TIAM2: variants seen among roughly 807,000 people sequenced by gnomAD.
TIAM2 encodes TIAM Rac1 associated GEF 2, also known as rho guanine nucleotide exchange factor TIAM2.
Under a neutral mutation model 152.9 loss-of-function variants are expected in TIAM2, and 80 were observed. The observed-to-expected ratio is 0.52, with a 90% CI of 0.44 to 0.63. TIAM2 has a LOEUF of 0.63. TIAM2 is among the 30% of genes least tolerant of loss of function. The probability of loss-of-function intolerance (pLI) is 0.00; values close to 1 mark genes in which losing one functional copy is unlikely to be tolerated. For synonymous variants in TIAM2, 804 were observed against 838.0 expected (o/e 0.96, Z 0.70); for missense variants, 1,965 against 2,120.1 (o/e 0.93, Z 1.44).
intron 1 of TIAM2, among the ~76,000 whole-genome samples, chr6:155,036,607 T>A (rs1776927750): frequency 6.7e-6 from 1 of 150,060 alleles, no homozygotes; most frequent in Non-Finnish European, 1.5e-5. Context: ...TTTATTTATT[T>A]ATTTATTTAT....
At chr6:155,049,184 A>G (rs1410065950) in intron 1 of TIAM2, among the ~76,000 whole-genome samples, 1 of 152,096 alleles carries the variant, frequency 6.6e-6, no homozygotes. Context: ...TAGCTACCAA[A>G]TGCACATGCG....
At chr6:155,083,018 G>T (rs1400421469) in intron 1 of TIAM2, among the ~76,000 whole-genome samples, 1 of 152,102 alleles carries the variant, frequency 6.6e-6, no homozygotes, top group African/African-American at 2.4e-5. Context: ...CTGATGATGA[G>T]ATGGTTCTGA....
intron 15 of TIAM2, among the ~76,000 whole-genome samples, chr6:155,211,811 A>G (rs1177570515): frequency 6.6e-6 from 1 of 152,098 alleles, no homozygotes. Context: ...AACCACCACC[A>G]CCATCTAGAA....
intron 10 of TIAM2, 64 bp downstream of exon 10, chr6:155,177,041 T>A (rs17086032): frequency 6.6e-7 from 1 of 1,525,144 alleles, no homozygotes; most frequent in African/African-American, 1.4e-5. Context: ...TGCAATCTTA[T>A]GCCTTCTAAA....
intron 2 of TIAM2, among the ~76,000 whole-genome samples, chr6:155,106,403 T>A (rs1365214471): frequency 6.6e-6 from 1 of 152,182 alleles, no homozygotes; most frequent in Non-Finnish European, 1.5e-5. Context: ...TTATTTAAGA[T>A]AATTTAATGG....
rs1168629633 is a variant in TIAM2, at chr6:155,213,336, A to G, written c.3168+2029A>G. Among the ~76,000 whole-genome samples the G allele has an allele frequency of 2.6e-5, 4 of 151,836 alleles. No individual in the cohort carries two copies. Among genetic ancestry groups the G allele is most frequent in the African/African-American group, 9.7e-5 (4 of 41,342 alleles). On this transcript the variant is annotated intron_variant, in intron 15 of 26. Transcript: ENST00000682666. The surrounding 1 kb of genome is among the most constrained non-coding windows in gnomAD (Gnocchi z 4.2). ...AGGCTGGTTGTCCCATAGAGTGTTC[A>G]CCTCTCAGCAGAGAGCAGACCCTGG...
rs1000291402 is a variant in TIAM2, at chr6:155,256,996, A to G, written c.4981A>G (p.Ser1661Gly). 4.3e-6 allele frequency: 7 copies of G among 1,614,208 alleles called. No individual in the cohort carries two copies. Among genetic ancestry groups the G allele is most frequent in the Non-Finnish European group, 5.9e-6 (7 of 1,180,032 alleles). Residue 1661 changes from serine to glycine, a missense_variant, in exon 27 of 27, where the codon AGT becomes GGT. By Grantham distance (56) the Ser-to-Gly change is moderately conservative (BLOSUM62 0). This residue lies in a region of TIAM2 where 935 missense variants were observed against 980.0 expected (regional missense o/e 0.95). Transcript: ENST00000682666. ...KAQIRHQSLD[S>G]QSENATIDLN... Reference sequence around the variant, plus strand: ...GCAGATCCGTCACCAGTCCCTTGACAGTCAGTCTGAAAATGCCACCATCGA... The same window carrying G: ...GCAGATCCGTCACCAGTCCCTTGACGGTCAGTCTGAAAATGCCACCATCGA...
chr6:155,164,897 G>C (rs1283379242), intron 8 of TIAM2, among the ~76,000 whole-genome samples: 2 of 152,172 alleles, frequency 1.3e-5, no homozygotes, highest in African/African-American at 4.8e-5. Flanking sequence ...TGGAGAAGGG[G>C]CAACAGTGGT....
At chr6:155,075,394 T>C (rs540390743) in intron 1 of TIAM2, among the ~76,000 whole-genome samples, 1 of 151,854 alleles carries the variant, frequency 6.6e-6, no homozygotes, top group East Asian at 1.9e-4. Context: ...ACAGCTGTCA[T>C]CCTTGTGTTT....
At chr6:155,188,985 GC>G (rs1293696699) in intron 14 of TIAM2, among the ~76,000 whole-genome samples, 1 of 152,094 alleles carries the variant, frequency 6.6e-6, no homozygotes, top group African/African-American at 2.4e-5. Context: ...TAGCCTCCAC[GC>G]CCCCTTTGAA....
chr6:155,087,168 G>C (rs571828316), intron 1 of TIAM2, among the ~76,000 whole-genome samples: 2 of 152,290 alleles, frequency 1.3e-5, no homozygotes, highest in Admixed American at 6.5e-5. Flanking sequence ...TCCCTGTAGA[G>C]AACAGTATAT....
Position 155,256,686 on chromosome 6 carries a change from T to A in TIAM2, c.4671T>A (p.Phe1557Leu). Residue 1557 changes from phenylalanine to leucine, a missense_variant, in exon 27 of 27, where the codon TTT becomes TTA. Transcript: ENST00000682666. ...ACCCACACCCCGGCTTGGCAGATTT[T>A]GCCGACAATCTCATCAAAGAGAGTG... ...GKYPHPGLAD[F>L]ADNLIKESDI... 1.2e-6 allele frequency: 2 copies of A among 1,614,230 alleles called. No individual in the cohort carries two copies. The highest frequency in any genetic ancestry group is 1.7e-6 in the Non-Finnish European group (2 of 1,180,048).
chr6:155,170,549 C>G (rs1382256773), intron 9 of TIAM2, among the ~76,000 whole-genome samples: 2 of 152,236 alleles, frequency 1.3e-5, no homozygotes, highest in South Asian at 4.2e-4. Context: ...TGCAGTGAGC[C>G]AAGATCGCAC....
chr6:155,125,888 T>A (rs1250324865), intron 2 of TIAM2, among the ~76,000 whole-genome samples: 1 of 151,450 alleles, frequency 6.6e-6, no homozygotes, highest in African/African-American at 2.4e-5. Context: ...ACCTAAGTGG[T>A]GTGCTTATGA....
At chr6:155,247,297 G>C (rs1015155945) in intron 19 of TIAM2, among the ~76,000 whole-genome samples, 10 of 152,202 alleles carry the variant, frequency 6.6e-5, no homozygotes, top group African/African-American at 2.4e-4. Flanking sequence ...TGGGTATGGT[G>C]TAGGGTCTGG....
chr6:155,245,303 C>T (rs915146725), intron 18 of TIAM2, among the ~76,000 whole-genome samples: 1 of 152,244 alleles, frequency 6.6e-6, no homozygotes, highest in Non-Finnish European at 1.5e-5. Flanking sequence ...AATGCAGAGT[C>T]GGCTTTATTA....
chr6:155,100,815 G>T (rs1177809706), intron 2 of TIAM2, among the ~76,000 whole-genome samples: 2 of 152,152 alleles, frequency 1.3e-5, no homozygotes, highest in African/African-American at 4.8e-5. Flanking sequence ...GAAACTGAGG[G>T]TTAGAGAAAT....
chr6:155,245,463 T>C (rs975483430), intron 18 of TIAM2, among the ~76,000 whole-genome samples, 160 bp from the exon 19 acceptor site: 9 of 152,244 alleles, frequency 5.9e-5, no homozygotes, highest in African/African-American at 1.9e-4. Context: ...GGGGAGCGCC[T>C]GGGCTGTTCC....
chr6:155,067,004 G>A (rs974147815), intron 1 of TIAM2, among the ~76,000 whole-genome samples: 19 of 152,226 alleles, frequency 1.2e-4, no homozygotes, highest in African/African-American at 4.1e-4. Context: ...TGATCTGCCC[G>A]CTTCGGTCTT....
Sources: gnomAD v4.1 joint callset for allele counts (sites outside exome capture counted in the v4.1 genomes callset) on GRCh38, gnomAD v4.1.1 for gene constraint, gnomAD v4.1.1 regional missense constraint, Gnocchi (gnomAD v3.1) non-coding constraint, MANE v1.5 for transcripts, NCBI Gene and HGNC (gene_info 2026-07-23, HGNC 2026-07-21) for gene names.